Variants in MTSS1 observed in about 807,000 individuals in gnomAD.
The protein encoded by MTSS1 is protein MTSS 1.
In MTSS1, 18 loss-of-function variants were observed where a neutral mutation model predicts 79.0. The ratio of observed to expected loss-of-function variants is 0.23; its 90% confidence interval spans 0.16 to 0.34. MTSS1 has a LOEUF of 0.34. Ranked by LOEUF, MTSS1 falls within the 10% of genes least tolerant of loss-of-function variation. The pLI is 1.00. For synonymous variants in MTSS1, 341 were observed against 368.6 expected, an observed-to-expected ratio of 0.93 and a Z score of 0.86; for missense variants, 815 against 986.2, an observed-to-expected ratio of 0.83 and a Z score of 2.33.
intron 4 of MTSS1, among the ~76,000 whole-genome samples, 195 bp downstream of exon 4, chr8:124,590,956 T>G (rs1831769652): frequency 6.6e-6 from 1 of 152,236 alleles, no homozygotes; most frequent in South Asian, 2.1e-4. Context: ...GGGGCCTGGC[T>G]GGCTGGTGAT....
At position 124,672,218 on chromosome 8, in the gene MTSS1, G is replaced by T. The variant is rs144189284; in HGVS notation, c.208+27308C>A. 4.8e-3 allele frequency among the ~76,000 whole-genome samples: 727 copies of T among 152,312 alleles called. 4 individuals are homozygous for T. Among genetic ancestry groups the T allele is most frequent in the African/African-American group, 0.016 (667 of 41,558 alleles). ...CTTAAAAATATGGAGAAGGGGCCAG[G>T]TGCAGTGGCTCATGCCTGTAATCCC... On this transcript the variant is annotated intron_variant, in intron 3 of 13. Transcript: ENST00000518547.
chr8:124,558,951 A>G (rs1824651761), intron 10 of MTSS1: 1 of 1,327,984 alleles, frequency 7.5e-7, no homozygotes, highest in African/African-American at 1.5e-5. Flanking sequence ...CACAGAGAGA[A>G]AGAGACAGAC....
chr8:124,591,016 T>C, intron 4 of MTSS1, 135 bp downstream of exon 4: 1 of 693,532 alleles, frequency 1.4e-6, no homozygotes, highest in South Asian at 1.7e-5. Flanking sequence ...AGCAGATGCC[T>C]AACAATACTC....
At chr8:124,610,284 T>C (rs1235206941) in intron 3 of MTSS1, among the ~76,000 whole-genome samples, 1 of 152,202 alleles carries the variant, frequency 6.6e-6, no homozygotes, top group Non-Finnish European at 1.5e-5. Context: ...ACCTCAAAAG[T>C]ACCCATAAGG....
At chr8:124,685,441 C>T (rs914283454) in intron 3 of MTSS1, among the ~76,000 whole-genome samples, 2 of 152,222 alleles carry the variant, frequency 1.3e-5, no homozygotes, top group Admixed American at 6.5e-5. Context: ...ATGTACAGTA[C>T]AGTGCTACGA....
chr8:124,576,275 A>AG, intron 6 of MTSS1, among the ~76,000 whole-genome samples: 1 of 152,244 alleles, frequency 6.6e-6, no homozygotes, highest in East Asian at 1.9e-4. Flanking sequence ...TTGATGGGCG[A>AG]GGGGGTCATA....
intron 3 of MTSS1, among the ~76,000 whole-genome samples, chr8:124,605,542 G>A (rs1052087552): frequency 5.9e-5 from 8 of 136,598 alleles, no homozygotes; most frequent in Admixed American, 7.4e-5. Context: ...GACAGCCCTC[G>A]CACTGCCTCC....
At chr8:124,649,754 G>A (rs1819621299) in intron 3 of MTSS1, among the ~76,000 whole-genome samples, 1 of 152,086 alleles carries the variant, frequency 6.6e-6, no homozygotes, top group Non-Finnish European at 1.5e-5. Context: ...CAAAAGAAAG[G>A]ACGCAAGGCT....
intron 3 of MTSS1, among the ~76,000 whole-genome samples, chr8:124,653,586 T>G (rs544505125): frequency 2.0e-5 from 3 of 152,016 alleles, no homozygotes; most frequent in Non-Finnish European, 2.9e-5. Flanking sequence ...TAGCTGGGCA[T>G]GGTGGCATGT....
chr8:124,650,606 AC>A (rs1417618144), intron 3 of MTSS1, among the ~76,000 whole-genome samples: 1 of 152,044 alleles, frequency 6.6e-6, no homozygotes, highest in Non-Finnish European at 1.5e-5. Flanking sequence ...CCTTTGATCA[AC>A]CCAGCCTTCT....
At chr8:124,616,878 A>T (rs1563868077) in intron 3 of MTSS1, among the ~76,000 whole-genome samples, 1 of 152,226 alleles carries the variant, frequency 6.6e-6, no homozygotes, top group Non-Finnish European at 1.5e-5. Context: ...TTTCATTTCA[A>T]ATTTGAACCT....
chr8:124,558,055 G>A, intron 10 of MTSS1, 180 bp from the exon 11 acceptor site: 1 of 567,530 alleles, frequency 1.8e-6, no homozygotes, highest in Non-Finnish European at 3.1e-6. Flanking sequence ...AAGAGCCGGG[G>A]TGCAAAGAAT....
chr8:124,655,076 C>G (rs917536977), intron 3 of MTSS1, among the ~76,000 whole-genome samples: 4 of 152,198 alleles, frequency 2.6e-5, no homozygotes, highest in Non-Finnish European at 5.9e-5. Flanking sequence ...CTCTCTAGCC[C>G]CCTAAACAGC....
chr8:124,571,203 G>C (rs896081769), intron 6 of MTSS1, among the ~76,000 whole-genome samples: 2 of 152,216 alleles, frequency 1.3e-5, no homozygotes, highest in African/African-American at 2.4e-5. Flanking sequence ...CCTCAGGGCA[G>C]GTGCTCTGTT....
intron 3 of MTSS1, among the ~76,000 whole-genome samples, chr8:124,643,847 A>T (rs1457673268): frequency 2.0e-5 from 3 of 152,188 alleles, no homozygotes; most frequent in Non-Finnish European, 4.4e-5. Context: ...AGGTATTTCC[A>T]AATGGCAAAA....
chr8:124,683,731 C>A lies in MTSS1; in HGVS notation c.208+15795G>T, dbSNP rs1826506412. ...CATGGTCAACCAATGGCTGAGCAGA[C>A]ACACTCAGGACCAAGACCCCATAAT... On this transcript the variant is annotated intron_variant, in intron 3 of 13. Coordinates refer to ENST00000518547, the MANE Select transcript of MTSS1 (RefSeq NM_014751.6). The surrounding 1 kb of genome is among the most constrained non-coding windows in gnomAD (Gnocchi z 4.5). Among the ~76,000 whole-genome samples the A allele has an allele frequency of 6.6e-6, 1 of 152,206 alleles. No homozygotes were observed. Among genetic ancestry groups the A allele is most frequent in the East Asian group, 1.9e-4 (1 of 5,198 alleles).
intron 1 of MTSS1, among the ~76,000 whole-genome samples, chr8:124,722,069 G>C (rs1271920330): frequency 6.6e-6 from 1 of 152,088 alleles, no homozygotes; most frequent in Non-Finnish European, 1.5e-5. Context: ...ACTGCTTTGA[G>C]AGAAAGCAAG....
chr8:124,591,146 C>A lies in MTSS1; in HGVS notation c.293+5G>T. The A allele has an allele frequency of 6.2e-7, 1 of 1,614,102 alleles. No homozygotes were observed. Among genetic ancestry groups the A allele is most frequent in the South Asian group, 1.1e-5 (1 of 91,076 alleles). Reference sequence around the variant, plus strand: ...TGGCGATCGGGGCCAAAACATGCTCCTCACCTCGAAAACTGCCTCAGCTTG... The same window carrying A: ...TGGCGATCGGGGCCAAAACATGCTCATCACCTCGAAAACTGCCTCAGCTTG... On this transcript the variant is annotated splice_donor_5th_base_variant and intron_variant, in intron 4 of 13. Transcript: ENST00000518547.
intron 3 of MTSS1, among the ~76,000 whole-genome samples, chr8:124,640,450 C>T (rs1254434186): frequency 6.6e-6 from 1 of 152,192 alleles, no homozygotes; most frequent in Non-Finnish European, 1.5e-5. Flanking sequence ...CCGGCAACAA[C>T]CACACCCCAT....
Sources: allele counts gnomAD v4.1 joint callset (sites outside exome capture counted in the v4.1 genomes callset), GRCh38; gene constraint gnomAD v4.1.1; non-coding constraint Gnocchi (gnomAD v3.1); transcripts MANE v1.5; gene names NCBI Gene and HGNC (gene_info 2026-07-23, HGNC 2026-07-21).